Variants in FOXN3 observed in about 807,000 individuals in gnomAD.
FOXN3 encodes the protein forkhead box N3.
FOXN3 carries 7 observed loss-of-function variants against 38.4 expected under a neutral mutation model. The ratio of observed to expected loss-of-function variants is 0.18; its 90% CI spans 0.10 to 0.34. FOXN3 has a LOEUF of 0.34. Ranked by LOEUF, FOXN3 falls within the 10% of genes least tolerant of loss-of-function variation. FOXN3 has a pLI of 1.00. For missense variants in FOXN3, 456 were observed against 613.4 expected, an observed-to-expected ratio of 0.74 and a Z score of 2.71; for synonymous variants, 230 against 242.2, an observed-to-expected ratio of 0.95 and a Z score of 0.47.
chr14:89,532,489 C>A (rs1214042406), intron 1 of FOXN3, among the ~76,000 whole-genome samples: 1 of 152,144 alleles, frequency 6.6e-6, no homozygotes, highest in Non-Finnish European at 1.5e-5. Flanking sequence ...AAACCCTCTT[C>A]CCTCTCCAAA....
In FOXN3 at chr14:89,551,332, G is replaced by A. The variant is rs1185690519; in HGVS notation, c.-15+67696C>T. On this transcript the variant is annotated intron_variant, in intron 1 of 6. Coordinates refer to the FOXN3 transcript ENST00000345097. ...TGATTTCCTGTCTTCTGCACAATCA[G>A]ATCAGTTTTGTGAGACTAAAGCCAA... 2.6e-5 allele frequency among the ~76,000 whole-genome samples: 4 copies of A among 152,252 alleles called. No homozygotes were observed. In the East Asian group the frequency reaches 5.8e-4, roughly 22 times the overall value.
At chr14:89,452,122 A>G (rs928660300) in intron 1 of FOXN3, among the ~76,000 whole-genome samples, 2 of 152,154 alleles carry the variant, frequency 1.3e-5, no homozygotes, top group Non-Finnish European at 2.9e-5. Flanking sequence ...TACCAGGGTC[A>G]TGCCCTACAA....
At chr14:89,509,740 T>C (rs1894017879) in intron 1 of FOXN3, among the ~76,000 whole-genome samples, 1 of 152,246 alleles carries the variant, frequency 6.6e-6, no homozygotes, top group South Asian at 2.1e-4. Flanking sequence ...ACTGAAATAT[T>C]TGCTGAATGA....
chr14:89,468,795 G>T (rs1209773639), intron 1 of FOXN3, among the ~76,000 whole-genome samples: 4 of 152,114 alleles, frequency 2.6e-5, no homozygotes, highest in Non-Finnish European at 5.9e-5. Flanking sequence ...TTTGGCTGTT[G>T]CTGTTACAAA....
chr14:89,358,503 G>A (rs902950076), intron 2 of FOXN3, among the ~76,000 whole-genome samples: 1 of 152,158 alleles, frequency 6.6e-6, no homozygotes. Flanking sequence ...TACCTGGTTG[G>A]GCTGCACCTA....
chr14:89,230,536 G>A (rs1198901983), intron 4 of FOXN3, among the ~76,000 whole-genome samples: 1 of 152,222 alleles, frequency 6.6e-6, no homozygotes, highest in Non-Finnish European at 1.5e-5. Context: ...TACATAAAGG[G>A]CTTAGACTTG....
At chr14:89,524,145 C>T (rs1209301385) in intron 1 of FOXN3, among the ~76,000 whole-genome samples, 1 of 146,778 alleles carries the variant, frequency 6.8e-6, no homozygotes, top group South Asian at 2.2e-4. Flanking sequence ...GAGGCCGAGG[C>T]GGGTGGATCA....
chr14:89,456,194 C>CAAA (rs10550227), intron 1 of FOXN3, among the ~76,000 whole-genome samples: 9 of 105,802 alleles, frequency 8.5e-5, no homozygotes, highest in African/African-American at 1.1e-4. Flanking sequence ...ACTCAGTCTC[C>CAAA]AAAAAAAAAA....
chr14:89,261,317 T>TA (rs1423087542), intron 4 of FOXN3, among the ~76,000 whole-genome samples: 2 of 152,076 alleles, frequency 1.3e-5, no homozygotes, highest in South Asian at 2.1e-4. Context: ...AATTCATAGA[T>TA]AGAGACACTG....
intron 3 of FOXN3, among the ~76,000 whole-genome samples, chr14:89,317,942 T>A (rs2062393811): frequency 6.7e-6 from 1 of 149,634 alleles, no homozygotes; most frequent in Admixed American, 6.7e-5. Flanking sequence ...ATCTAACTAA[T>A]GCCTGATCCA....
intron 1 of FOXN3, among the ~76,000 whole-genome samples, chr14:89,600,793 T>C (rs1896139389): frequency 6.6e-6 from 1 of 152,222 alleles, no homozygotes; most frequent in Non-Finnish European, 1.5e-5. Flanking sequence ...TGTGTAGTTT[T>C]GGAAACTCCT....
Position 89,442,146 on chromosome 14 carries a change from G to T in FOXN3, c.-14-29656C>A, listed in dbSNP as rs113288497. Among the ~76,000 whole-genome samples the T allele has an allele frequency of 6.3e-3, 959 of 152,006 alleles. 15 individuals carry two copies. Among genetic ancestry groups the T allele is most frequent in the African/African-American group, 0.022 (912 of 41,438 alleles). On this transcript the variant is annotated intron_variant, in intron 1 of 6. Transcript: ENST00000345097. The stretch of plus-strand genomic sequence containing the variant: ...TCTCCATGTTGGTCAGGCTGGTCTC[G>T]AACTCCTGACCTCAGATGATCCATC...
intron 2 of FOXN3, among the ~76,000 whole-genome samples, chr14:89,357,077 T>G (rs1986284): frequency 0.22 from 32,816 of 152,058 alleles, 3,689 homozygotes; most frequent in African/African-American, 0.29. Context: ...CTGAGGCCAG[T>G]TAGCGGCTCA....
chr14:89,538,372 T>C (rs890861398), intron 1 of FOXN3, among the ~76,000 whole-genome samples: 1 of 152,130 alleles, frequency 6.6e-6, no homozygotes, highest in African/African-American at 2.4e-5. Context: ...GGGGAGGAGA[T>C]AAGAAACAGG....
chr14:89,236,406 T>C (rs902509575), intron 4 of FOXN3, among the ~76,000 whole-genome samples: 1 of 152,070 alleles, frequency 6.6e-6, no homozygotes, highest in African/African-American at 2.4e-5. Flanking sequence ...TCCCAGCTAC[T>C]CGGGAGGCTG....
In FOXN3 at chr14:89,613,560, C is replaced by T. The variant is rs144412123; in HGVS notation, c.-15+5468G>A. 6.3e-3 allele frequency among the ~76,000 whole-genome samples: 966 copies of T among 152,294 alleles called. 11 individuals carry two copies. The highest frequency in any genetic ancestry group is 0.019 in the African/African-American group (792 of 41,552). On this transcript the variant is annotated intron_variant, in intron 1 of 6. Transcript: ENST00000345097. ...ATCATTTCGATCATTTCATCGTTAC[C>T]ACAGCCAACTATTTGGTCCTTATGC...
chr14:89,424,756 G>A (rs1333496064), intron 1 of FOXN3, among the ~76,000 whole-genome samples: 3 of 151,632 alleles, frequency 2.0e-5, no homozygotes, highest in South Asian at 4.2e-4. Context: ...ATGGTGGCAC[G>A]TGCCTATAGT....
intron 1 of FOXN3, among the ~76,000 whole-genome samples, chr14:89,558,695 C>T (rs908225469): frequency 2.6e-5 from 4 of 152,222 alleles, no homozygotes; most frequent in Non-Finnish European, 5.9e-5. Context: ...CCCCACCCCT[C>T]AGGGAAGGTG....
intron 2 of FOXN3, among the ~76,000 whole-genome samples, chr14:89,375,578 A>G (rs997116740): frequency 6.6e-6 from 1 of 152,232 alleles, no homozygotes; most frequent in Non-Finnish European, 1.5e-5. Context: ...TATAGAATAA[A>G]GCAAATAAAT....
Sources: allele counts gnomAD v4.1 joint callset (sites outside exome capture counted in the v4.1 genomes callset), GRCh38; gene constraint gnomAD v4.1.1; transcripts MANE v1.5; gene names NCBI Gene and HGNC (gene_info 2026-07-23, HGNC 2026-07-21).